SLC44A5: variants seen among roughly 807,000 people sequenced by gnomAD.
The protein encoded by SLC44A5 is choline transporter-like protein 5.
Under a neutral mutation model 101.8 loss-of-function variants are expected in SLC44A5, and 57 were observed. The observed-to-expected ratio is 0.56, with a 90% CI of 0.45 to 0.70. SLC44A5 has a LOEUF of 0.70. Ranked by LOEUF, SLC44A5 falls within the 30% of genes least tolerant of loss-of-function variation. The probability of loss-of-function intolerance (pLI) is 0.00; values close to 1 mark genes in which losing one functional copy is unlikely to be tolerated. For synonymous variants in SLC44A5, 281 were observed against 290.9 expected, an observed-to-expected ratio of 0.97 and a Z score of 0.35; for missense variants, 737 against 853.1, an observed-to-expected ratio of 0.86 and a Z score of 1.70.
At chr1:75,700,765 C>T in the SLC44A5 span, among the ~76,000 whole-genome samples, 3 of 151,872 alleles carry the variant, frequency 2.0e-5, no homozygotes, top group Admixed American at 6.6e-5. Flanking sequence ...GCTAGCAAGA[C>T]TAATAAAGAA....
the SLC44A5 span, among the ~76,000 whole-genome samples, chr1:75,635,511 G>A: frequency 1.3e-5 from 2 of 151,842 alleles, no homozygotes; most frequent in African/African-American, 4.8e-5. Context: ...CCTTTGTAGG[G>A]ACATGGATGA....
At chr1:75,408,218 G>A (rs778995291) in intron 2 of SLC44A5, among the ~76,000 whole-genome samples, 1 of 152,172 alleles carries the variant, frequency 6.6e-6, no homozygotes, top group Admixed American at 6.5e-5. Flanking sequence ...AAACACAGAT[G>A]CTAGAGAGGA....
At chr1:75,624,020 G>T in the SLC44A5 span, among the ~76,000 whole-genome samples, 1 of 152,156 alleles carries the variant, frequency 6.6e-6, no homozygotes, top group Admixed American at 6.5e-5. Flanking sequence ...CAGGTCTGCA[G>T]CAGGGAAAGT....
At chr1:75,644,642 A>AT in the SLC44A5 span, among the ~76,000 whole-genome samples, 2,325 of 119,092 alleles carry the variant, frequency 0.02, 17 homozygotes, top group East Asian at 0.07. Context: ...ATATATATAT[A>AT]TTTTTTTTTA....
At chr1:75,344,688 C>T (rs1421799030) in intron 3 of SLC44A5, among the ~76,000 whole-genome samples, 1 of 152,140 alleles carries the variant, frequency 6.6e-6, no homozygotes, top group Non-Finnish European at 1.5e-5. Flanking sequence ...AATACAGAAG[C>T]TTCTAGAACC....
At chr1:75,335,217 A>G (rs903819672) in intron 4 of SLC44A5, among the ~76,000 whole-genome samples, 1 of 152,206 alleles carries the variant, frequency 6.6e-6, no homozygotes, top group Non-Finnish European at 1.5e-5. Flanking sequence ...AGTTATGTAC[A>G]TTTCTGCAGG....
intron 13 of SLC44A5, among the ~76,000 whole-genome samples, chr1:75,224,471 T>C (rs1209897670): frequency 6.6e-6 from 1 of 152,234 alleles, no homozygotes; most frequent in African/African-American, 2.4e-5. Context: ...CCATGTTTTT[T>C]ATTGTCCCTG....
intron 1 of SLC44A5, among the ~76,000 whole-genome samples, chr1:75,599,505 A>G (rs718883): frequency 0.28 from 42,948 of 152,038 alleles, 7,409 homozygotes; most frequent in Non-Finnish European, 0.4. Context: ...GAAGATTGAG[A>G]AAGGAGATGG....
intron 5 of SLC44A5, among the ~76,000 whole-genome samples, chr1:75,297,366 C>T (rs1242962324): frequency 6.6e-6 from 1 of 152,170 alleles, no homozygotes; most frequent in Admixed American, 6.5e-5. Flanking sequence ...CTCACTGCAA[C>T]ATCTGCCTCC....
At chr1:75,310,984 A>G (rs1420899785) in intron 4 of SLC44A5, among the ~76,000 whole-genome samples, 1 of 152,070 alleles carries the variant, frequency 6.6e-6, no homozygotes, top group African/African-American at 2.4e-5. Flanking sequence ...TACAGTTGTC[A>G]TTACATTGAG....
At chr1:75,628,261 A>G in the SLC44A5 span, among the ~76,000 whole-genome samples, 11 of 152,276 alleles carry the variant, frequency 7.2e-5, no homozygotes, top group African/African-American at 2.2e-4. Flanking sequence ...CACTGCTTTC[A>G]TAGTTCCCTC....
chr1:75,398,038 A>G (rs911164145), intron 2 of SLC44A5, among the ~76,000 whole-genome samples: 3 of 152,182 alleles, frequency 2.0e-5, no homozygotes, highest in African/African-American at 7.2e-5. Flanking sequence ...TTTTCTTAAA[A>G]TAGTATGTAC....
chr1:75,471,186 A>T (rs1667089771), intron 2 of SLC44A5, among the ~76,000 whole-genome samples: 1 of 152,036 alleles, frequency 6.6e-6, no homozygotes, highest in Admixed American at 6.6e-5. Flanking sequence ...TCATAAAATT[A>T]ATGGCTTGTA....
At chr1:75,702,318 T>A in the SLC44A5 span, among the ~76,000 whole-genome samples, 4 of 151,996 alleles carry the variant, frequency 2.6e-5, no homozygotes, top group Admixed American at 2.6e-4. Flanking sequence ...GAGATATAGA[T>A]CAATGGAACA....
At chr1:75,210,995 A>G (rs916785463) in intron 23 of SLC44A5, among the ~76,000 whole-genome samples, 4 of 152,196 alleles carry the variant, frequency 2.6e-5, no homozygotes, top group Non-Finnish European at 5.9e-5. Context: ...GAACATGTCC[A>G]TAACCTCCCA....
the SLC44A5 span, among the ~76,000 whole-genome samples, chr1:75,675,869 C>G: frequency 6.6e-6 from 1 of 151,876 alleles, no homozygotes. Flanking sequence ...AAAAAACAAC[C>G]CCATTAAAAG....
chr1:75,636,322 A>G, the SLC44A5 span, among the ~76,000 whole-genome samples: 4 of 152,120 alleles, frequency 2.6e-5, no homozygotes, highest in Non-Finnish European at 5.9e-5. Flanking sequence ...GATCTGGCAC[A>G]GAGTAAACAA....
chr1:75,681,302 CA>C, the SLC44A5 span, among the ~76,000 whole-genome samples: 1 of 151,932 alleles, frequency 6.6e-6, no homozygotes, highest in Non-Finnish European at 1.5e-5. Flanking sequence ...GAGACACAAC[CA>C]AAAAAGAGAA....
chr1:75,278,732 G>A (rs1652138585), intron 5 of SLC44A5, among the ~76,000 whole-genome samples: 4 of 152,202 alleles, frequency 2.6e-5, no homozygotes, highest in East Asian at 3.9e-4. Flanking sequence ...TTTAAGTGCA[G>A]GAGGAAATAT....
Sources: gnomAD v4.1 joint callset for allele counts (sites outside exome capture counted in the v4.1 genomes callset) on GRCh38, gnomAD v4.1.1 for gene constraint, MANE v1.5 for transcripts, NCBI Gene and HGNC (gene_info 2026-07-23, HGNC 2026-07-21) for gene names.